STAG1: variants seen among roughly 807,000 people sequenced by gnomAD.
STAG1 encodes STAG1 cohesin complex component.
In STAG1, 26 loss-of-function variants were observed where a neutral mutation model predicts 170.9. That is an observed-to-expected ratio of 0.15 (90% CI 0.11 to 0.21). The LOEUF is 0.21. Ranked by LOEUF, STAG1 falls within the 10% of genes least tolerant of loss-of-function variation. The probability of loss-of-function intolerance (pLI) is 1.00; values close to 1 mark genes in which losing one functional copy is unlikely to be tolerated. For synonymous variants in STAG1, 514 were observed against 497.7 expected (o/e 1.03, Z -0.44); for missense variants, 964 against 1,509.5 (o/e 0.64, Z 5.99).
chr3:136,548,954 T>A (rs1936271618), intron 5 of STAG1, among the ~76,000 whole-genome samples: 1 of 152,204 alleles, frequency 6.6e-6, no homozygotes, highest in Non-Finnish European at 1.5e-5. Context: ...CATGTGAAGA[T>A]GTGCCTGCTT....
chr3:136,629,194 T>C (rs968421189), intron 2 of STAG1, among the ~76,000 whole-genome samples: 6 of 152,188 alleles, frequency 3.9e-5, no homozygotes, highest in South Asian at 4.1e-4. Context: ...TCATATTTTA[T>C]CAAAGAGCTA....
At chr3:136,524,438 T>C (rs868312464) in intron 6 of STAG1, among the ~76,000 whole-genome samples, 2 of 152,214 alleles carry the variant, frequency 1.3e-5, no homozygotes, top group African/African-American at 2.4e-5. Flanking sequence ...TTTTTCCACA[T>C]TGATTTTGTA....
chr3:136,454,251 G>A (rs2089037157), intron 13 of STAG1, among the ~76,000 whole-genome samples: 1 of 151,656 alleles, frequency 6.6e-6, no homozygotes, highest in Admixed American at 6.6e-5. Context: ...GCTAATTTTT[G>A]TATTTTCTAG....
chr3:136,439,145 G>A (rs1438954019), intron 15 of STAG1, among the ~76,000 whole-genome samples: 2 of 138,370 alleles, frequency 1.4e-5, no homozygotes, highest in Non-Finnish European at 3.0e-5. Flanking sequence ...GCAGTGAGCC[G>A]AGATCCGCCA....
intron 22 of STAG1, 71 bp from the exon 23 acceptor site, chr3:136,377,823 AG>A: frequency 1.6e-6 from 2 of 1,258,342 alleles, no homozygotes; most frequent in Admixed American, 3.6e-5. Context: ...AGAAACAGTA[AG>A]TGGAAAATAG....
At chr3:136,519,349 A>G (rs1934548007) in intron 7 of STAG1, among the ~76,000 whole-genome samples, 1 of 152,098 alleles carries the variant, frequency 6.6e-6, no homozygotes. Context: ...ACTGTAAACT[A>G]ATTTTTGTGT....
intron 25 of STAG1, among the ~76,000 whole-genome samples, chr3:136,365,433 G>T (rs1217209289): frequency 1.3e-5 from 2 of 152,074 alleles, no homozygotes; most frequent in Admixed American, 6.6e-5. Context: ...GAATAGGAAA[G>T]GTGCTAGAGG....
chr3:136,540,705 C>T (rs1935846551), intron 6 of STAG1, among the ~76,000 whole-genome samples: 2 of 151,050 alleles, frequency 1.3e-5, no homozygotes, highest in Admixed American at 1.3e-4. Flanking sequence ...CCCTGTAATC[C>T]CAGCTACTTG....
chr3:136,625,148 C>A (rs149937576), intron 2 of STAG1, among the ~76,000 whole-genome samples: 1 of 152,314 alleles, frequency 6.6e-6, no homozygotes, highest in East Asian at 1.9e-4. Context: ...TTCTACATTA[C>A]TGCATAAAAT....
chr3:136,693,449 A>C (rs1942787536), intron 1 of STAG1, among the ~76,000 whole-genome samples: 1 of 152,212 alleles, frequency 6.6e-6, no homozygotes, highest in African/African-American at 2.4e-5. Context: ...CTAAAGGAGA[A>C]GCCAAAGAGA....
At chr3:136,351,932 C>A (rs1203031682) in intron 28 of STAG1, among the ~76,000 whole-genome samples, 1 of 152,048 alleles carries the variant, frequency 6.6e-6, no homozygotes, top group East Asian at 1.9e-4. Flanking sequence ...CCAGGGGTGA[C>A]CTCCTCAGCA....
At chr3:136,520,382 ATAAG>A (rs1349942220) in intron 7 of STAG1, among the ~76,000 whole-genome samples, 4 of 152,120 alleles carry the variant, frequency 2.6e-5, no homozygotes, top group East Asian at 1.9e-4. Flanking sequence ...TATTATGATA[ATAAG>A]TAAGATGAAT....
intron 1 of STAG1, among the ~76,000 whole-genome samples, chr3:136,741,614 G>A (rs775794812): frequency 4.6e-5 from 7 of 152,094 alleles, no homozygotes; most frequent in Middle Eastern, 3.4e-3. Context: ...GATTACAGGC[G>A]CCCACCACAA....
At chr3:136,702,950 C>A (rs1344163598) in intron 1 of STAG1, among the ~76,000 whole-genome samples, 1 of 151,354 alleles carries the variant, frequency 6.6e-6, no homozygotes, top group African/African-American at 2.4e-5. Flanking sequence ...CACCTGTAAT[C>A]CCAGCTACTC....
intron 10 of STAG1, among the ~76,000 whole-genome samples, chr3:136,476,587 T>C (rs1253988687): frequency 6.6e-6 from 1 of 152,216 alleles, no homozygotes; most frequent in East Asian, 1.9e-4. Context: ...CAGGAACTTC[T>C]TAACAATTAA....
intron 22 of STAG1, among the ~76,000 whole-genome samples, chr3:136,389,980 C>T (rs961838421): frequency 2.0e-5 from 3 of 151,800 alleles, no homozygotes; most frequent in East Asian, 1.9e-4. Context: ...TACAGGTGCC[C>T]GCCACCACGC....
chr3:136,746,216 T>C (rs1934927644), intron 1 of STAG1, among the ~76,000 whole-genome samples: 1 of 152,182 alleles, frequency 6.6e-6, no homozygotes, highest in African/African-American at 2.4e-5. Flanking sequence ...CTAGCAAGAA[T>C]CATCTAAATT....
chr3:136,650,784 T>C (rs377122818), intron 1 of STAG1, among the ~76,000 whole-genome samples: 1 of 152,216 alleles, frequency 6.6e-6, no homozygotes, highest in East Asian at 1.9e-4. Flanking sequence ...ATGAATCTAG[T>C]AGCAGGTAAG....
intron 1 of STAG1, among the ~76,000 whole-genome samples, chr3:136,700,315 G>C (rs1943014532): frequency 6.7e-6 from 1 of 149,918 alleles, no homozygotes; most frequent in Non-Finnish European, 1.5e-5. Flanking sequence ...CACTAAACTA[G>C]GTTTCGAATC....
Sources: gnomAD v4.1 joint callset for allele counts (sites outside exome capture counted in the v4.1 genomes callset) on GRCh38, gnomAD v4.1.1 for gene constraint, MANE v1.5 for transcripts, NCBI Gene and HGNC (gene_info 2026-07-23, HGNC 2026-07-21) for gene names.